The following EXTL3 variants were observed in gnomAD, a reference collection of about 807,000 sequenced individuals.
The protein encoded by EXTL3 is exostosin-like 3.
In EXTL3, 27 loss-of-function variants were observed where a neutral mutation model predicts 69.3. The ratio of observed to expected loss-of-function variants is 0.39; its 90% CI spans 0.29 to 0.54. The LOEUF (loss-of-function observed/expected upper bound fraction) is 0.54, where lower values mean the gene tolerates loss of function less well. EXTL3 is among the 20% of genes least tolerant of loss of function. The probability of loss-of-function intolerance (pLI) is 0.69; values close to 1 mark genes in which losing one functional copy is unlikely to be tolerated. For missense variants in EXTL3, 1,003 were observed against 1,231.8 expected (o/e 0.81, Z 2.78); for synonymous variants, 511 against 499.4 (o/e 1.02, Z -0.31).
At chr8:28,609,302 G>GA (rs1243266686) in intron 2 of EXTL3, among the ~76,000 whole-genome samples, 1 of 152,020 alleles carries the variant, frequency 6.6e-6, no homozygotes, top group Non-Finnish European at 1.5e-5. Context: ...TAAGCAGAGG[G>GA]AAAACTTGAT....
intron 2 of EXTL3, among the ~76,000 whole-genome samples, chr8:28,714,264 T>C (rs1198191855): frequency 6.6e-6 from 1 of 152,198 alleles, no homozygotes; most frequent in Non-Finnish European, 1.5e-5. Flanking sequence ...TAAAATTTAA[T>C]GTCCAATGTT....
chr8:28,621,676 T>C (rs760693279), upstream of EXTL3, among the ~76,000 whole-genome samples: 1 of 152,212 alleles, frequency 6.6e-6, no homozygotes, highest in Non-Finnish European at 1.5e-5. Context: ...AACTGAAATA[T>C]TGCAATGCCA....
upstream of EXTL3, among the ~76,000 whole-genome samples, chr8:28,620,526 C>T (rs556919892): frequency 2.3e-4 from 35 of 152,276 alleles, 2 homozygotes; most frequent in South Asian, 6.8e-3. Flanking sequence ...GCCCCTACAC[C>T]GGTCTCAGGC....
At chr8:28,676,128 G>T (rs1807378891) in intron 1 of EXTL3, among the ~76,000 whole-genome samples, 1 of 152,070 alleles carries the variant, frequency 6.6e-6, no homozygotes. Flanking sequence ...ACTGGAGATG[G>T]TGGACATGTC....
intron 2 of EXTL3, among the ~76,000 whole-genome samples, chr8:28,608,633 C>T (rs1347321107): frequency 1.3e-5 from 2 of 151,798 alleles, no homozygotes; most frequent in African/African-American, 4.8e-5. Flanking sequence ...GAGGCCGAAG[C>T]GGGGGGATCA....
At chr8:28,644,913 GTGCCTGATGCAA>G (rs1343786088) in intron 1 of EXTL3, among the ~76,000 whole-genome samples, 1 of 152,174 alleles carries the variant, frequency 6.6e-6, no homozygotes, top group Non-Finnish European at 1.5e-5. Flanking sequence ...TCTTACCATG[GTGCCTGATGCAA>G]TGTTCTGTAT....
chr8:28,644,151 CTTATGAGCCT>C (rs976440031), intron 1 of EXTL3, among the ~76,000 whole-genome samples: 3 of 151,802 alleles, frequency 2.0e-5, no homozygotes, highest in Non-Finnish European at 2.9e-5. Flanking sequence ...TATTTGCATA[CTTATGAGCCT>C]TTTTTTTGCT....
chr8:28,676,221 AC>A (rs1213300166), intron 1 of EXTL3, among the ~76,000 whole-genome samples: 1 of 152,068 alleles, frequency 6.6e-6, no homozygotes, highest in Non-Finnish European at 1.5e-5. Context: ...CTACTCACCC[AC>A]CCTGGGAGGG....
chr8:28,632,517 C>G lies in EXTL3; in HGVS notation c.-53+9707C>G, dbSNP rs562855540. Reference sequence around the variant, plus strand: ...AATGATTGAGACCTTAGTGCAGGCCCTCTGCTAAGTGTTTTAACTGCATTA... The same window carrying G: ...AATGATTGAGACCTTAGTGCAGGCCGTCTGCTAAGTGTTTTAACTGCATTA... On this transcript the variant is annotated intron_variant, in intron 1 of 6. Transcript: ENST00000523149. 1.6e-4 allele frequency among the ~76,000 whole-genome samples: 24 copies of G among 151,284 alleles called. No homozygotes were observed. In the South Asian group the frequency reaches 4.8e-3, roughly 30 times the overall value.
chr8:28,628,937 A>G (rs1806533604), intron 1 of EXTL3, among the ~76,000 whole-genome samples: 1 of 152,202 alleles, frequency 6.6e-6, no homozygotes, highest in South Asian at 2.1e-4. Context: ...TAAAATGGGC[A>G]TCTCATAGAT....
At chr8:28,672,187 G>A (rs1303806654) in intron 1 of EXTL3, among the ~76,000 whole-genome samples, 3 of 152,042 alleles carry the variant, frequency 2.0e-5, no homozygotes, top group Non-Finnish European at 2.9e-5. Context: ...AGGCCAAGGT[G>A]GGTGGATCAC....
intron 4 of EXTL3, among the ~76,000 whole-genome samples, chr8:28,732,819 G>A (rs978269438): frequency 2.0e-5 from 3 of 152,112 alleles, no homozygotes; most frequent in Admixed American, 2.0e-4. Context: ...TGCCTCCCAG[G>A]TTCAAGCGAT....
At chr8:28,708,315 G>A (rs1266622409) in intron 1 of EXTL3, among the ~76,000 whole-genome samples, 3 of 152,100 alleles carry the variant, frequency 2.0e-5, no homozygotes, top group African/African-American at 4.8e-5. Flanking sequence ...AACCACTGTG[G>A]TCGTTGGATT....
intron 3 of EXTL3, chr8:28,730,290 G>T (rs1460636877): frequency 1.3e-5 from 2 of 152,162 alleles, no homozygotes; most frequent in Non-Finnish European, 2.9e-5. Context: ...ATTCTAAAAA[G>T]ATTATTCTTC....
upstream of EXTL3, among the ~76,000 whole-genome samples, chr8:28,620,952 C>T (rs187534707): frequency 5.0e-4 from 76 of 152,152 alleles, no homozygotes; most frequent in African/African-American, 1.7e-3. Flanking sequence ...TGAGCTCAAG[C>T]GATCCTCCCC....
At chr8:28,697,313 G>A (rs1800699676), upstream of EXTL3, 1 of 152,184 alleles carries the variant, frequency 6.6e-6, no homozygotes, top group Non-Finnish European at 1.5e-5. Context: ...ATGACCTGCT[G>A]CTTGGCCAAA....
chr8:28,745,588 G>A (rs559503598), intron 6 of EXTL3, among the ~76,000 whole-genome samples: 79 of 152,290 alleles, frequency 5.2e-4, no homozygotes, highest in Non-Finnish European at 5.4e-4. Flanking sequence ...CCTTTCTTAT[G>A]TAGCCAGGGA....
intron 1 of EXTL3, among the ~76,000 whole-genome samples, chr8:28,667,400 C>T (rs925729727): frequency 2.6e-5 from 4 of 152,172 alleles, no homozygotes; most frequent in African/African-American, 9.7e-5. Flanking sequence ...TGGTCAAGGA[C>T]CAGGAGTCAC....
intron 1 of EXTL3, among the ~76,000 whole-genome samples, chr8:28,640,202 T>C (rs957874790): frequency 3.3e-5 from 5 of 152,262 alleles, no homozygotes; most frequent in Non-Finnish European, 5.9e-5. Flanking sequence ...TTACAAAGTA[T>C]AACTCAATAT....
Sources: allele counts gnomAD v4.1 joint callset (sites outside exome capture counted in the v4.1 genomes callset), GRCh38; gene constraint gnomAD v4.1.1; transcripts MANE v1.5; gene names NCBI Gene and HGNC (gene_info 2026-07-23, HGNC 2026-07-21).